The following TENM3 variants were observed in gnomAD, a reference collection of about 807,000 sequenced individuals.
TENM3 encodes the protein teneurin-3.
TENM3 carries 63 observed loss-of-function variants against 255.1 expected under a neutral mutation model. The ratio of observed to expected loss-of-function variants is 0.25; its 90% confidence interval spans 0.20 to 0.30. TENM3 has a LOEUF of 0.30. Ranked by LOEUF, TENM3 falls within the 10% of genes least tolerant of loss-of-function variation. The probability of loss-of-function intolerance (pLI) is 1.00; values close to 1 mark genes in which losing one functional copy is unlikely to be tolerated. For missense variants in TENM3, 2,929 were observed against 3,461.1 expected, an observed-to-expected ratio of 0.85 and a Z score of 3.86; for synonymous variants, 1,306 against 1,322.3, an observed-to-expected ratio of 0.99 and a Z score of 0.27.
At chr4:182,153,234 C>T (rs1298924673) in intron 1 of TENM3, among the ~76,000 whole-genome samples, 4 of 151,708 alleles carry the variant, frequency 2.6e-5, no homozygotes, top group African/African-American at 9.7e-5. Context: ...ATAAAAATAC[C>T]TTAATTTAAT....
chr4:181,451,382 A>C, the TENM3 span, among the ~76,000 whole-genome samples: 1 of 152,204 alleles, frequency 6.6e-6, no homozygotes, highest in Non-Finnish European at 1.5e-5. Flanking sequence ...ACACCATTAA[A>C]GAAATTTGAT....
chr4:182,446,868 A>G (rs1000525235), intron 3 of TENM3, among the ~76,000 whole-genome samples: 14 of 152,130 alleles, frequency 9.2e-5, no homozygotes, highest in South Asian at 2.1e-4. Context: ...GTTTATTTGC[A>G]GTTACTTCAG....
chr4:182,246,737 G>A (rs1027306138), intron 1 of TENM3, among the ~76,000 whole-genome samples: 1 of 152,216 alleles, frequency 6.6e-6, no homozygotes, highest in Non-Finnish European at 1.5e-5. Context: ...TAGGTTCCAG[G>A]GCGGGGGCGT....
chr4:182,395,691 T>C (rs1355742417), intron 3 of TENM3, among the ~76,000 whole-genome samples: 1 of 152,224 alleles, frequency 6.6e-6, no homozygotes, highest in Admixed American at 6.5e-5. Context: ...TAAAATGTTT[T>C]ATTTATAAAA....
chr4:182,246,066 T>A (rs1757622551), intron 1 of TENM3, among the ~76,000 whole-genome samples: 1 of 152,128 alleles, frequency 6.6e-6, no homozygotes, highest in African/African-American at 2.4e-5. Flanking sequence ...GTCTCTTATG[T>A]TGAACAAACA....
chr4:182,258,780 G>A (rs535976270), intron 1 of TENM3, among the ~76,000 whole-genome samples: 1 of 152,152 alleles, frequency 6.6e-6, no homozygotes, highest in Non-Finnish European at 1.5e-5. Flanking sequence ...AATGTCAGGA[G>A]TTTAGAGTAG....
chr4:182,544,473 G>C (rs1005077083), intron 3 of TENM3, among the ~76,000 whole-genome samples: 2 of 151,832 alleles, frequency 1.3e-5, no homozygotes, highest in African/African-American at 4.8e-5. Flanking sequence ...CGGGATTACA[G>C]GGGCCCACCA....
At chr4:181,670,326 T>C in the TENM3 span, among the ~76,000 whole-genome samples, 1 of 152,184 alleles carries the variant, frequency 6.6e-6, no homozygotes, top group Non-Finnish European at 1.5e-5. Flanking sequence ...GACCGGTTTG[T>C]AACCGTGTTT....
Position 182,754,909 on chromosome 4 carries a change from G to A in TENM3, c.4542G>A (p.Ala1514=), listed in dbSNP as rs758597377. Residue 1514 remains alanine (A), a synonymous_variant, in exon 22 of 28, where the codon GCG becomes GCA. Coordinates refer to ENST00000511685, the MANE Select transcript of TENM3 (RefSeq NM_001080477.4). This position sits in a 1 kb window ranked among gnomAD's most constrained non-coding sequence, Gnocchi z 5.1. ...LLNSMNFYEV[A]SPTDQELYIF... Reference sequence around the variant, plus strand: ...ACTCTATGAACTTCTATGAAGTTGCGTCTCCAACTGATCAAGAACTCTACA... The same window carrying A: ...ACTCTATGAACTTCTATGAAGTTGCATCTCCAACTGATCAAGAACTCTACA... The A allele has an allele frequency of 3.5e-5, 57 of 1,613,878 alleles. No individual in the cohort carries two copies. The highest frequency in any genetic ancestry group is 9.3e-5 in the African/African-American group (7 of 74,938).
At chr4:182,442,790 G>A (rs1414524409) in intron 3 of TENM3, among the ~76,000 whole-genome samples, 2 of 150,776 alleles carry the variant, frequency 1.3e-5, no homozygotes. Flanking sequence ...GTACATATGT[G>A]TGTGTGTGTG....
At chr4:181,590,157 A>G in the TENM3 span, among the ~76,000 whole-genome samples, 864 of 152,240 alleles carry the variant, frequency 5.7e-3, 11 homozygotes, top group African/African-American at 0.02. Context: ...TTTCTTTCAC[A>G]ATTGTTGACC....
At chr4:182,518,367 A>G (rs1402161225) in intron 3 of TENM3, among the ~76,000 whole-genome samples, 2 of 152,114 alleles carry the variant, frequency 1.3e-5, no homozygotes, top group Non-Finnish European at 2.9e-5. Context: ...CTTATGTTAT[A>G]TGGGAAAGGG....
intron 3 of TENM3, among the ~76,000 whole-genome samples, chr4:182,374,354 A>T (rs1354086078): frequency 6.6e-6 from 1 of 152,210 alleles, no homozygotes; most frequent in Non-Finnish European, 1.5e-5. Context: ...TGCTATCTAA[A>T]GCAGCAATAT....
chr4:182,017,931 AAGCTACTGAGCAAG>A, the TENM3 span, among the ~76,000 whole-genome samples: 3 of 152,320 alleles, frequency 2.0e-5, no homozygotes, highest in South Asian at 6.2e-4. Flanking sequence ...AAAGGTCTTA[AAGCTACTGAGCAAG>A]GCACGGAGCT....
chr4:182,744,730 T>G (rs183414815), intron 19 of TENM3, among the ~76,000 whole-genome samples: 1 of 152,230 alleles, frequency 6.6e-6, no homozygotes, highest in Non-Finnish European at 1.5e-5. Context: ...GTTTATATTT[T>G]CCTAAGTTGG....
intron 1 of TENM3, among the ~76,000 whole-genome samples, chr4:182,319,970 G>A (rs914488910): frequency 4.6e-5 from 7 of 152,066 alleles, no homozygotes; most frequent in South Asian, 2.1e-4. Context: ...CAAATTAGCC[G>A]GGTGTGGTGG....
intron 1 of TENM3, among the ~76,000 whole-genome samples, chr4:182,321,669 G>C (rs1763062475): frequency 2.6e-5 from 4 of 151,510 alleles, no homozygotes; most frequent in Admixed American, 2.6e-4. Context: ...CTCTTGGCCG[G>C]GAGTGGTGGC....
chr4:181,947,045 C>T, the TENM3 span, among the ~76,000 whole-genome samples: 1 of 152,148 alleles, frequency 6.6e-6, no homozygotes, highest in South Asian at 2.1e-4. Flanking sequence ...CTTTGACTTC[C>T]TCATCTATAA....
intron 3 of TENM3, among the ~76,000 whole-genome samples, chr4:182,536,476 G>A (rs1740328577): frequency 6.6e-6 from 1 of 152,188 alleles, no homozygotes; most frequent in Admixed American, 6.5e-5. Flanking sequence ...ATCTTGAGAG[G>A]TTTCTTAGTG....
Sources: allele counts gnomAD v4.1 joint callset (sites outside exome capture counted in the v4.1 genomes callset), GRCh38; gene constraint gnomAD v4.1.1; non-coding constraint Gnocchi (gnomAD v3.1); transcripts MANE v1.5; gene names NCBI Gene and HGNC (gene_info 2026-07-23, HGNC 2026-07-21).